The following NTF3 variants were observed in gnomAD, a reference collection of about 807,000 sequenced individuals.
NTF3 encodes the protein neurotrophin-3.
NTF3 carries 8 observed loss-of-function variants against 26.3 expected under a neutral mutation model. That is an observed-to-expected ratio of 0.30 (90% CI 0.18 to 0.55). The LOEUF (loss-of-function observed/expected upper bound fraction) is 0.55, where lower values mean the gene tolerates loss of function less well. NTF3 is among the 20% of genes least tolerant of loss of function. The probability of loss-of-function intolerance (pLI) is 0.93; values close to 1 mark genes in which losing one functional copy is unlikely to be tolerated. For synonymous variants in NTF3, 154 were observed against 145.5 expected, an observed-to-expected ratio of 1.06 and a Z score of -0.42; for missense variants, 276 against 352.9, an observed-to-expected ratio of 0.78 and a Z score of 1.75.
chr12:5,461,177 T>A (rs1940520241), intron 1 of NTF3, among the ~76,000 whole-genome samples: 1 of 152,168 alleles, frequency 6.6e-6, no homozygotes, highest in South Asian at 2.1e-4. Flanking sequence ...TTTTTTAAGG[T>A]CTTGATTTGC....
At chr12:5,446,741 A>G (rs1479492484) in intron 1 of NTF3, among the ~76,000 whole-genome samples, 1 of 152,218 alleles carries the variant, frequency 6.6e-6, no homozygotes, top group Non-Finnish European at 1.5e-5. Context: ...TTTGCAAAAG[A>G]TATTACTATG....
chr12:5,444,537 G>GAGACCCCAAGGTGAGAGA (rs1940280242), intron 1 of NTF3, among the ~76,000 whole-genome samples: 1 of 152,180 alleles, frequency 6.6e-6, no homozygotes, highest in Non-Finnish European at 1.5e-5. Context: ...TCCGTGGGAG[G>GAGACCCCAAGGTGAGAGA]AGACCCCAAG....
At chr12:5,482,984 A>T in intron 1 of NTF3, among the ~76,000 whole-genome samples, 2 of 143,140 alleles carry the variant, frequency 1.4e-5, no homozygotes, top group Non-Finnish European at 1.5e-5. Context: ...TCTCTGTCTC[A>T]GTCCCTTTCT....
At chr12:5,431,732 A>G (rs1235912819), upstream of NTF3, among the ~76,000 whole-genome samples, 2 of 152,206 alleles carry the variant, frequency 1.3e-5, no homozygotes, top group African/African-American at 2.4e-5. Context: ...AAAAATTTCA[A>G]GAAAAAGAAC....
At chr12:5,479,310 G>A (rs947716428) in intron 1 of NTF3, among the ~76,000 whole-genome samples, 2 of 152,200 alleles carry the variant, frequency 1.3e-5, no homozygotes, top group Non-Finnish European at 2.9e-5. Context: ...GGACATTCTT[G>A]CAGCCAGAGG....
At chr12:5,485,794 G>C (rs550280435) in intron 1 of NTF3, among the ~76,000 whole-genome samples, 1 of 152,168 alleles carries the variant, frequency 6.6e-6, no homozygotes, top group East Asian at 1.9e-4. Flanking sequence ...CAGTTTTGAT[G>C]GAAGATTGGT....
At chr12:5,430,975 C>T (rs1020807216), upstream of NTF3, among the ~76,000 whole-genome samples, 1 of 152,032 alleles carries the variant, frequency 6.6e-6, no homozygotes, top group Non-Finnish European at 1.5e-5. Context: ...TCGTTGATCA[C>T]TAAGTGGTAT....
chr12:5,473,712 A>G (rs1940692269), intron 1 of NTF3, among the ~76,000 whole-genome samples: 1 of 152,180 alleles, frequency 6.6e-6, no homozygotes, highest in African/African-American at 2.4e-5. Context: ...ATCCTTCTCC[A>G]TGTCCTACTG....
chr12:5,452,377 G>A (rs568796242), intron 1 of NTF3, among the ~76,000 whole-genome samples: 2 of 152,282 alleles, frequency 1.3e-5, no homozygotes, highest in South Asian at 4.1e-4. Flanking sequence ...TTACAGGCGT[G>A]AGCCACCGCG....
At chr12:5,476,627 A>C (rs1325154474) in intron 1 of NTF3, among the ~76,000 whole-genome samples, 1 of 152,230 alleles carries the variant, frequency 6.6e-6, no homozygotes, top group Non-Finnish European at 1.5e-5. Flanking sequence ...TCATGAGAAT[A>C]GCACACCCGT....
At chr12:5,465,297 G>A (rs1318450158) in intron 1 of NTF3, among the ~76,000 whole-genome samples, 4 of 152,246 alleles carry the variant, frequency 2.6e-5, no homozygotes, top group South Asian at 4.1e-4. Context: ...CCGTTGCCTA[G>A]AATAGGGCAG....
intron 1 of NTF3, among the ~76,000 whole-genome samples, chr12:5,442,387 A>G (rs1283519448): frequency 2.0e-5 from 3 of 151,876 alleles, no homozygotes; most frequent in African/African-American, 4.8e-5. Flanking sequence ...TTGTGGGGAG[A>G]GTCGGGGGAA....
intron 1 of NTF3, among the ~76,000 whole-genome samples, chr12:5,476,014 G>T (rs1940720073): frequency 6.6e-6 from 1 of 152,122 alleles, no homozygotes; most frequent in Non-Finnish European, 1.5e-5. Context: ...ATGGAAGAAG[G>T]TTTCTGAGGA....
chr12:5,445,756 T>C (rs778270842), intron 1 of NTF3, among the ~76,000 whole-genome samples: 5 of 152,246 alleles, frequency 3.3e-5, no homozygotes, highest in Non-Finnish European at 5.9e-5. Context: ...TAATCTACTC[T>C]GCTCTCCTCC....
intron 1 of NTF3, among the ~76,000 whole-genome samples, chr12:5,444,013 T>C (rs1464186705): frequency 1.3e-5 from 2 of 152,240 alleles, no homozygotes; most frequent in Non-Finnish European, 2.9e-5. Flanking sequence ...ACTGTAATCC[T>C]CTGACATTTC....
At chr12:5,454,713 T>G (rs1212430233) in intron 1 of NTF3, among the ~76,000 whole-genome samples, 1 of 152,224 alleles carries the variant, frequency 6.6e-6, no homozygotes, top group Non-Finnish European at 1.5e-5. Flanking sequence ...GCACAATGCC[T>G]GCTTTGCTCT....
At chr12:5,441,715 T>C (rs2121147354) in intron 1 of NTF3, among the ~76,000 whole-genome samples, 1 of 152,344 alleles carries the variant, frequency 6.6e-6, no homozygotes, top group East Asian at 1.9e-4. Context: ...GCTCAGAATG[T>C]GCAGCAGCGA....
chr12:5,447,351 A>T (rs1473597759), intron 1 of NTF3, among the ~76,000 whole-genome samples: 2 of 152,254 alleles, frequency 1.3e-5, no homozygotes, highest in Non-Finnish European at 2.9e-5. Flanking sequence ...AAGGACTGTT[A>T]GGTACAATGA....
chr12:5,467,228 C>CAAAAAAAAAAAAAAAAAAA, intron 1 of NTF3, among the ~76,000 whole-genome samples: 1 of 49,542 alleles, frequency 2.0e-5, no homozygotes, highest in Non-Finnish European at 3.3e-5. Flanking sequence ...GACTCCGTCT[C>CAAAAAAAAAAAAAAAAAAA]AAAAAAAAAA....
Sources: gnomAD v4.1 joint callset for allele counts (sites outside exome capture counted in the v4.1 genomes callset) on GRCh38, gnomAD v4.1.1 for gene constraint, MANE v1.5 for transcripts, NCBI Gene and HGNC (gene_info 2026-07-23, HGNC 2026-07-21) for gene names.